The following AQP6 variants were observed in gnomAD, a reference collection of about 807,000 sequenced individuals.
AQP6 encodes aquaporin-6.
In AQP6, 14 loss-of-function variants were observed where a neutral mutation model predicts 16.3. The observed-to-expected ratio is 0.86, with a 90% CI of 0.57 to 1.34. The LOEUF is 1.34. AQP6 is among the 40% of genes most tolerant of loss of function. The probability of loss-of-function intolerance (pLI) is 0.00; values close to 1 mark genes in which losing one functional copy is unlikely to be tolerated. For missense variants in AQP6, 331 were observed against 379.7 expected, an observed-to-expected ratio of 0.87 and a Z score of 1.07; for synonymous variants, 178 against 166.8, an observed-to-expected ratio of 1.07 and a Z score of -0.52.
In AQP6 at chr12:49,975,593, A is replaced by G; in HGVS notation, c.771A>G (p.Thr257=). 3 of 1,601,244 alleles carry G rather than the reference A, an allele frequency of 1.9e-6. No homozygotes were observed. The highest frequency in any genetic ancestry group is 1.8e-5 in the Admixed American group (1 of 55,394). ...AILTGTVEVG[T]GAGAGAEPLK... is the part of the protein sequence containing the mutation. ...TCACAGGCACCGTAGAGGTGGGGACAGGGGCAGGGGCAGGGGCGGAGCCCC... is the reference window on the plus strand; with the variant it reads ...TCACAGGCACCGTAGAGGTGGGGACGGGGGCAGGGGCAGGGGCGGAGCCCC... The change falls in exon 4 of 4, where the codon ACA becomes ACG. Residue 257 remains threonine (T), a synonymous_variant. Coordinates refer to ENST00000315520, the MANE Select transcript of AQP6 (RefSeq NM_001652.4). This position sits in a 1 kb window ranked among gnomAD's most constrained non-coding sequence, Gnocchi z 4.4.
rs570185132 is a variant in AQP6, at chr12:49,973,237, G to T, written c.64G>T (p.Ala22Ser). The change falls in exon 1 of 4, where the codon GCC (alanine) becomes TCC (serine). Residue 22 changes from alanine (A) to serine (S), a missense_variant. Transcript: ENST00000315520. Reference protein sequence around the residue: ...ASMLACRLWKAISRALFAEFL... With the variant: ...ASMLACRLWKSISRALFAEFL... ...CATGTTGGCGTGCAGGCTTTGGAAA[G>T]CCATCAGCAGGGCGCTGTTTGCAGA... 31 of 1,613,968 alleles carry T rather than the reference G, an allele frequency of 1.9e-5. No homozygotes were observed. Among genetic ancestry groups the T allele is most frequent in the Middle Eastern group, 1.7e-4 (1 of 6,060 alleles).
chr12:49,973,452 C>G lies in AQP6; in HGVS notation c.279C>G (p.Ser93=). ...PAVTLAFLVG[S]HISLPRAVAY... is the part of the protein sequence containing the mutation. ...TGACGCTGGCCTTCCTCGTAGGCTC[C>G]CACATCTCTCTGCCCCGTGCTGTGG... Residue 93 remains serine (S), a synonymous_variant, in exon 1 of 4, where the codon TCC becomes TCG. Transcript: ENST00000315520. 6.2e-7 allele frequency: 1 copy of G among 1,613,750 alleles called. No homozygotes were observed. Among genetic ancestry groups the G allele is most frequent in the East Asian group, 2.2e-5 (1 of 44,886 alleles).
chr12:49,974,264 T>C (rs545743817), intron 1 of AQP6, 60 bp from the exon 2 acceptor site: 3 of 1,449,194 alleles, frequency 2.1e-6, no homozygotes, highest in South Asian at 3.1e-5. Context: ...GTGGCAGGGG[T>C]TTCTCTGTCT....
In AQP6 at chr12:49,974,459, G is replaced by A. The variant is rs778189444; in HGVS notation, c.538G>A (p.Val180Met). 21 of 1,611,256 alleles carry A rather than the reference G, an allele frequency of 1.3e-5. No individual in the cohort carries two copies. The African/African-American group carries it at 2.8e-4, about 22-fold the overall frequency. The change falls in exon 2 of 4, where the codon GTG (valine) becomes ATG (methionine). Residue 180 changes from valine (V) to methionine (M), a missense_variant. By Grantham distance (21) the Val-to-Met change is conservative. Coordinates refer to ENST00000315520, the MANE Select transcript of AQP6 (RefSeq NM_001652.4). ...CCCGGCCACCATGATTGGGATCTCT[G>A]TGGCACTGGGCCACCTCATTGGGGT... ...GSPATMIGIS[V>M]ALGHLIGIHF...
Position 49,974,832 on chromosome 12 carries a change from C to G in AQP6, c.642+6C>G. On this transcript the variant is annotated splice_donor_region_variant and intron_variant, in intron 3 of 3. Transcript: ENST00000315520. ...GGAAGTTCACAGTCCACTGGGTGAG[C>G]CCCTCTGCTGGCAGCCCTGGGGAGG... 6.2e-7 allele frequency: 1 copy of G among 1,614,092 alleles called. No homozygotes were observed. The highest frequency in any genetic ancestry group is 8.5e-7 in the Non-Finnish European group (1 of 1,179,932).
At position 49,973,359 on chromosome 12, in the gene AQP6, C is replaced by T; in HGVS notation, c.186C>T (p.Phe62=). 6.2e-7 allele frequency: 1 copy of T among 1,613,540 alleles called. No homozygotes were observed. The highest frequency in any genetic ancestry group is 1.1e-5 in the South Asian group (1 of 91,086). The part of the protein sequence containing the change: ...LPSVLQIAIT[F]NLVTAMAVQV... Reference sequence around the variant, plus strand: ...CCGTGCTACAGATTGCCATCACCTTCAACCTGGTCACCGCCATGGCTGTGC... The same window carrying T: ...CCGTGCTACAGATTGCCATCACCTTTAACCTGGTCACCGCCATGGCTGTGC... Residue 62 remains phenylalanine, a synonymous_variant, in exon 1 of 4, where the codon TTC becomes TTT. Transcript: ENST00000315520.
At position 49,975,661 on chromosome 12, in the gene AQP6, AGAGT is replaced by A; in HGVS notation, c.841_844del (p.Ser281CysfsTer53). The A allele has an allele frequency of 6.4e-7, 1 of 1,572,428 alleles. No individual in the cohort carries two copies. The highest frequency in any genetic ancestry group is 2.0e-5 in the Admixed American group (1 of 50,588). ...CCGGGTTCGGGAGCCGTGGAGATGGAGAGTGTGTGAAACAGCCTACGCCTGGCCG... is the reference window on the plus strand; with the variant it reads ...CCGGGTTCGGGAGCCGTGGAGATGGAGTGTGAAACAGCCTACGCCTGGCCG... On this transcript the variant is annotated frameshift_variant, in exon 4 of 4. Coordinates refer to ENST00000315520, the MANE Select transcript of AQP6 (RefSeq NM_001652.4). LOFTEE classifies it high-confidence loss of function. This position sits in a 1 kb window ranked among gnomAD's most constrained non-coding sequence, Gnocchi z 4.4.
rs147750782 is a variant in AQP6, at chr12:49,975,836, G to T, written c.*165G>T. 4.1e-4 allele frequency: 404 copies of T among 976,512 alleles called. 2 individuals are homozygous for T. In the African/African-American group the frequency reaches 6.2e-3, roughly 15 times the overall value. 60.5% of individuals were successfully genotyped at this position (976,512 alleles called of 1,614,324 possible). Reference sequence around the variant, plus strand: ...GCATTACGTTTCTAGGTAGAATCTGGGAGTGAATTTGTCCCATTCCCTCTC... The same window carrying T: ...GCATTACGTTTCTAGGTAGAATCTGTGAGTGAATTTGTCCCATTCCCTCTC... On this transcript the variant is annotated 3_prime_UTR_variant, in exon 4 of 4. Transcript: ENST00000315520. The surrounding 1 kb of genome is among the most constrained non-coding windows in gnomAD (Gnocchi z 4.4).
At position 49,975,617 on chromosome 12, in the gene AQP6, C is replaced by A; in HGVS notation, c.795C>A (p.Pro265=). The change falls in exon 4 of 4, where the codon CCC becomes CCA. Residue 265 remains proline, a synonymous_variant. Coordinates refer to ENST00000315520, the MANE Select transcript of AQP6 (RefSeq NM_001652.4). This position sits in a 1 kb window ranked among gnomAD's most constrained non-coding sequence, Gnocchi z 4.4. ...CAGGGGCAGGGGCAGGGGCGGAGCC[C>A]CTGAAGAAGGAATCCCAGCCGGGTT... ...VGTGAGAGAE[P]LKKESQPGSG... 1 of 1,595,244 alleles carries A rather than the reference C, an allele frequency of 6.3e-7. No individual in the cohort carries two copies. Among genetic ancestry groups the A allele is most frequent in the Admixed American group, 1.9e-5 (1 of 53,200 alleles).
chr12:49,975,181 G>A lies in AQP6; in HGVS notation c.643-284G>A, dbSNP rs558315151. 1.0e-4 allele frequency: 131 copies of A among 1,295,586 alleles called. No homozygotes were observed. The East Asian group carries it at 3.4e-3, about 33-fold the overall frequency. The allele number at this position is 1,295,586 out of a possible 1,614,324, so 80.3% of individuals were successfully genotyped here. On this transcript the variant is annotated intron_variant, in intron 3 of 3. Transcript: ENST00000315520. The surrounding 1 kb of genome is among the most constrained non-coding windows in gnomAD (Gnocchi z 4.4). ...AGGACTCCTGGCTAAAACGGGGGAAGTGAGAGGAAAGAGGCGGGGGCGGGT... is the reference window on the plus strand; with the variant it reads ...AGGACTCCTGGCTAAAACGGGGGAAATGAGAGGAAAGAGGCGGGGGCGGGT...
At position 49,975,622 on chromosome 12, in the gene AQP6, A is replaced by G. The variant is rs1947566740; in HGVS notation, c.800A>G (p.Lys267Arg). The G allele has an allele frequency of 1.9e-6, 3 of 1,594,588 alleles. No homozygotes were observed. The highest frequency in any genetic ancestry group is 1.4e-5 in the African/African-American group (1 of 73,322). The change falls in exon 4 of 4, where the codon AAG (lysine) becomes AGG (arginine). Residue 267 changes from lysine to arginine, a missense_variant. Transcript: ENST00000315520. The surrounding 1 kb of genome is among the most constrained non-coding windows in gnomAD (Gnocchi z 4.4). ...TGAGAGAEPL[K>R]KESQPGSGAV... ...GCAGGGGCAGGGGCGGAGCCCCTGA[A>G]GAAGGAATCCCAGCCGGGTTCGGGA...
At position 49,975,841 on chromosome 12, in the gene AQP6, G is replaced by C. The variant is rs1360502399; in HGVS notation, c.*170G>C. On this transcript the variant is annotated 3_prime_UTR_variant, in exon 4 of 4. Coordinates refer to ENST00000315520, the MANE Select transcript of AQP6 (RefSeq NM_001652.4). This position sits in a 1 kb window ranked among gnomAD's most constrained non-coding sequence, Gnocchi z 4.4. ...ACGTTTCTAGGTAGAATCTGGGAGTGAATTTGTCCCATTCCCTCTCTGTAG... is the reference window on the plus strand; with the variant it reads ...ACGTTTCTAGGTAGAATCTGGGAGTCAATTTGTCCCATTCCCTCTCTGTAG... 1 of 912,198 alleles carries C rather than the reference G, an allele frequency of 1.1e-6. No homozygotes were observed. The highest frequency in any genetic ancestry group is 3.0e-5 in the East Asian group (1 of 33,004). The allele number at this position is 912,198 out of a possible 1,614,324, so 56.5% of individuals were successfully genotyped here.
chr12:49,974,868 T>C (rs2137172096), intron 3 of AQP6, 42 bp downstream of exon 3: 1 of 1,607,810 alleles, frequency 6.2e-7, no homozygotes, highest in Non-Finnish European at 8.5e-7. Context: ...GAAGGGAGCC[T>C]GAGTTGCCTG....
Position 49,975,074 on chromosome 12 carries a change from G to A in AQP6, c.642+248G>A, listed in dbSNP as rs1947561488. 1.5e-6 allele frequency: 2 copies of A among 1,341,088 alleles called. No individual in the cohort carries two copies. Among genetic ancestry groups the A allele is most frequent in the South Asian group, 4.0e-5 (2 of 49,894 alleles). The allele number at this position is 1,341,088 out of a possible 1,614,324, so 83.1% of individuals were successfully genotyped here. On this transcript the variant is annotated intron_variant, in intron 3 of 3. Transcript: ENST00000315520. This position sits in a 1 kb window ranked among gnomAD's most constrained non-coding sequence, Gnocchi z 4.4. ...GTTTCCTTATTCACTTTCTCCAGCT[G>A]GACCAATTTTCAAACTTGGATAAAG...
Position 49,973,136 on chromosome 12 carries a change from C to T in AQP6, c.-38C>T. 6.4e-7 allele frequency: 1 copy of T among 1,563,924 alleles called. No homozygotes were observed. The highest frequency in any genetic ancestry group is 8.7e-7 in the Non-Finnish European group (1 of 1,154,254). ...AGAGACCAGAGGAACAGAGAAGAGGCCCCAGAGCAAGGCAAGGAACGGCCA... is the reference window on the plus strand; with the variant it reads ...AGAGACCAGAGGAACAGAGAAGAGGTCCCAGAGCAAGGCAAGGAACGGCCA... On this transcript the variant is annotated 5_prime_UTR_variant, in exon 1 of 4. Transcript: ENST00000315520.
In AQP6 at chr12:49,973,544, GA is replaced by G; in HGVS notation, c.372del (p.Asp125ThrfsTer27). ...GCTCTGCTTTATGGGGTCATGCCGG[GA>G]GACATCCGAGAGACCCTTGGGATCA... ...GAALLYGVMP[G>X]DIRETLGINV... On this transcript the variant is annotated frameshift_variant, in exon 1 of 4. Transcript: ENST00000315520. LOFTEE classifies it high-confidence loss of function. 6.2e-7 allele frequency: 1 copy of G among 1,610,388 alleles called. No individual in the cohort carries two copies. Among genetic ancestry groups the G allele is most frequent in the Non-Finnish European group, 8.5e-7 (1 of 1,178,402 alleles).
Position 49,975,091 on chromosome 12 carries a change from T to G in AQP6, c.642+265T>G. On this transcript the variant is annotated intron_variant, in intron 3 of 3. Transcript: ENST00000315520. The surrounding 1 kb of genome is among the most constrained non-coding windows in gnomAD (Gnocchi z 4.4). ...CTCCAGCTGGACCAATTTTCAAACTTGGATAAAGAAAAAGACAAACAGAAA... is the reference window on the plus strand; with the variant it reads ...CTCCAGCTGGACCAATTTTCAAACTGGGATAAAGAAAAAGACAAACAGAAA... 1 of 1,321,692 alleles carries G rather than the reference T, an allele frequency of 7.6e-7. No individual in the cohort carries two copies. The highest frequency in any genetic ancestry group is 9.6e-7 in the Non-Finnish European group (1 of 1,037,716). 81.9% of individuals were successfully genotyped at this position (1,321,692 alleles called of 1,614,324 possible).
At position 49,976,469 on chromosome 12, in the gene AQP6, G is replaced by C. The variant is rs1947574947; in HGVS notation, c.*798G>C. 1 of 153,398 alleles carries C rather than the reference G, an allele frequency of 6.5e-6. No homozygotes were observed. Among genetic ancestry groups the C allele is most frequent in the South Asian group, 2.1e-4 (1 of 4,872 alleles). 9.5% of individuals were successfully genotyped at this position (153,398 alleles called of 1,614,324 possible). On this transcript the variant is annotated 3_prime_UTR_variant, in exon 4 of 4. Coordinates refer to ENST00000315520, the MANE Select transcript of AQP6 (RefSeq NM_001652.4). ...CAGGGTGGTCTCAAACTCCTGACCTGAGGCGATCTGCCCACCTCGGCCTCC... is the reference window on the plus strand; with the variant it reads ...CAGGGTGGTCTCAAACTCCTGACCTCAGGCGATCTGCCCACCTCGGCCTCC...
Position 49,977,091 on chromosome 12 carries a change from A to C in AQP6, c.*1420A>C, listed in dbSNP as rs1239197042. ...AATCAAGAAATCGGAAAATACTTTC[A>C]GAAGTTAAAATGCTAGAAAAACAAC... is the stretch of plus-strand genomic sequence containing the variant. On this transcript the variant is annotated 3_prime_UTR_variant, in exon 4 of 4. Transcript: ENST00000315520. The C allele has an allele frequency of 2.9e-6, 2 of 692,460 alleles. No individual in the cohort carries two copies. Among genetic ancestry groups the C allele is most frequent in the Non-Finnish European group, 5.2e-6 (2 of 381,498 alleles). 42.9% of individuals were successfully genotyped at this position (692,460 alleles called of 1,614,324 possible).
Sources: gnomAD v4.1 joint callset for allele counts on GRCh38, gnomAD v4.1.1 for gene constraint, Gnocchi (gnomAD v3.1) non-coding constraint, MANE v1.5 for transcripts, NCBI Gene and HGNC (gene_info 2026-07-23, HGNC 2026-07-21) for gene names.